CYRIB: variants seen among roughly 807,000 people sequenced by gnomAD.
CYRIB encodes the protein CYFIP related Rac1 interactor B.
CYRIB carries 8 observed loss-of-function variants against 44.2 expected under a neutral mutation model. The observed-to-expected ratio is 0.18, with a 90% CI of 0.11 to 0.33. The LOEUF is 0.33. Among genes scored for constraint, CYRIB ranks in the 10% least tolerant of loss-of-function variants. The pLI, the probability that CYRIB is intolerant of heterozygous loss-of-function variation, is 1.00. For synonymous variants in CYRIB, 131 were observed against 127.2 expected (o/e 1.03, Z -0.20); for missense variants, 185 against 382.8 (o/e 0.48, Z 4.31).
intron 1 of CYRIB, among the ~76,000 whole-genome samples, chr8:129,909,694 C>T (rs1050342680): frequency 2.6e-5 from 4 of 152,128 alleles, no homozygotes; most frequent in African/African-American, 4.8e-5. Context: ...AAGAAGTTAT[C>T]CCAGTCTAAT....
intron 9 of CYRIB, chr8:129,850,090 G>A (rs2042450713): frequency 6.6e-6 from 1 of 152,368 alleles, no homozygotes; most frequent in Non-Finnish European, 1.5e-5. Context: ...ACTCCCTGAA[G>A]TTGGTGGTGG....
chr8:129,889,757 G>A (rs774340527), intron 2 of CYRIB, among the ~76,000 whole-genome samples: 1 of 151,726 alleles, frequency 6.6e-6, no homozygotes, highest in Admixed American at 6.6e-5. Context: ...AGTGGATGAG[G>A]AGTTGCTTCT....
chr8:129,996,825 AC>A (rs1385905025), intron 1 of CYRIB, among the ~76,000 whole-genome samples: 2 of 151,942 alleles, frequency 1.3e-5, no homozygotes, highest in African/African-American at 4.8e-5. Context: ...TTTTTAAGAT[AC>A]CCTGAAGATA....
At chr8:130,011,152 C>T (rs1466602441) in intron 1 of CYRIB, among the ~76,000 whole-genome samples, 1 of 152,166 alleles carries the variant, frequency 6.6e-6, no homozygotes, top group Admixed American at 6.6e-5. Flanking sequence ...GAAATGTGTG[C>T]TCCCCGGGGG....
exon 12 of CYRIB, chr8:129,840,193 G>A (rs1256170913): frequency 6.3e-6 from 1 of 158,590 alleles, no homozygotes; most frequent in Admixed American, 6.5e-5. Context: ...GAGGCCAGAT[G>A]TCTGAAATCA....
intron 2 of CYRIB, among the ~76,000 whole-genome samples, chr8:129,892,010 C>T (rs1425637807): frequency 6.6e-6 from 1 of 152,178 alleles, no homozygotes; most frequent in Non-Finnish European, 1.5e-5. Context: ...TCAAAGATTA[C>T]TGGCACTCTT....
chr8:129,933,739 T>C (rs2092211688), intron 1 of CYRIB, among the ~76,000 whole-genome samples: 3 of 152,098 alleles, frequency 2.0e-5, no homozygotes, highest in South Asian at 4.1e-4. Context: ...CTGGGCATGG[T>C]GGCACGCATC....
intron 2 of CYRIB, among the ~76,000 whole-genome samples, chr8:129,960,395 G>C (rs1247829142): frequency 6.6e-6 from 1 of 152,086 alleles, no homozygotes; most frequent in Non-Finnish European, 1.5e-5. Flanking sequence ...AGGAGTTTGA[G>C]ACCAGCCTGG....
At chr8:129,994,668 G>A (rs1487634877) in intron 1 of CYRIB, among the ~76,000 whole-genome samples, 4 of 152,190 alleles carry the variant, frequency 2.6e-5, no homozygotes, top group African/African-American at 4.8e-5. Flanking sequence ...ACAGCCTGGC[G>A]GTACACACCA....
intron 1 of CYRIB, among the ~76,000 whole-genome samples, chr8:130,002,589 T>C (rs1322291466): frequency 2.0e-5 from 3 of 152,200 alleles, no homozygotes; most frequent in Non-Finnish European, 2.9e-5. Flanking sequence ...CATATTCTTA[T>C]CTCCCTCACA....
At chr8:129,998,161 G>A (rs963432690) in intron 1 of CYRIB, among the ~76,000 whole-genome samples, 3 of 151,320 alleles carry the variant, frequency 2.0e-5, no homozygotes, top group African/African-American at 7.3e-5. Flanking sequence ...CTCAGAAACG[G>A]AGGCTGCCCC....
At chr8:129,924,523 C>T (rs866766337) in intron 1 of CYRIB, among the ~76,000 whole-genome samples, 3 of 152,022 alleles carry the variant, frequency 2.0e-5, no homozygotes, top group Non-Finnish European at 4.4e-5. Context: ...AAGCCGAACC[C>T]GTGGGATGTA....
chr8:129,961,282 C>T (rs2131737792), intron 2 of CYRIB, among the ~76,000 whole-genome samples: 1 of 152,296 alleles, frequency 6.6e-6, no homozygotes, highest in South Asian at 2.1e-4. Context: ...ATGGGTTCTG[C>T]TCTGGGGTTC....
chr8:129,933,604 G>A (rs530322519), intron 1 of CYRIB, among the ~76,000 whole-genome samples: 2 of 152,216 alleles, frequency 1.3e-5, no homozygotes, highest in East Asian at 3.9e-4. Flanking sequence ...AGCCGGGTGC[G>A]GTGGCTCGCG....
chr8:129,854,452 A>G (rs575827333), intron 6 of CYRIB, 109 bp from the exon 9 acceptor site: 1 of 735,106 alleles, frequency 1.4e-6, no homozygotes, highest in South Asian at 1.9e-5. Flanking sequence ...CATAATTCAT[A>G]GTATCATTTT....
In CYRIB at chr8:129,845,461, A is replaced by G. The variant is rs554772408; in HGVS notation, c.911+1343T>C. Among the ~76,000 whole-genome samples the G allele has an allele frequency of 4.6e-4, 70 of 152,352 alleles. No individual in the cohort carries two copies. In the South Asian group the frequency reaches 0.01, roughly 22 times the overall value. ...GTTGTAAAAACCCCAAGAATACAGAATTCTAAAAACTAGGCTTATGGTTAA... is the reference window on the plus strand; with the variant it reads ...GTTGTAAAAACCCCAAGAATACAGAGTTCTAAAAACTAGGCTTATGGTTAA... On this transcript the variant is annotated intron_variant, in intron 11 of 11. Coordinates refer to ENST00000519824, the Ensembl canonical transcript of CYRIB.
At chr8:129,886,945 T>A (rs2063006774) in intron 2 of CYRIB, among the ~76,000 whole-genome samples, 1 of 152,120 alleles carries the variant, frequency 6.6e-6, no homozygotes, top group Admixed American at 6.5e-5. Context: ...ATATAAATCA[T>A]CCTTTCTCTG....
chr8:129,961,999 C>CA (rs1284977037), intron 2 of CYRIB, among the ~76,000 whole-genome samples: 1 of 152,142 alleles, frequency 6.6e-6, no homozygotes, highest in Non-Finnish European at 1.5e-5. Flanking sequence ...CCTGTAATCT[C>CA]AGCACTTTGG....
chr8:129,943,725 AGCAG>A (rs1369736349), upstream of CYRIB, among the ~76,000 whole-genome samples: 23 of 145,502 alleles, frequency 1.6e-4, no homozygotes, highest in Admixed American at 6.9e-5. Flanking sequence ...CAGCCTCCCG[AGCAG>A]CTGGGACTAC....
Sources: gnomAD v4.1 joint callset for allele counts (sites outside exome capture counted in the v4.1 genomes callset) on GRCh38, gnomAD v4.1.1 for gene constraint, MANE v1.5 for transcripts, NCBI Gene and HGNC (gene_info 2026-07-23, HGNC 2026-07-21) for gene names.